Variants in FMNL2 observed in about 807,000 individuals in gnomAD.
The protein encoded by FMNL2 is formin-like protein 2.
FMNL2 carries 51 observed loss-of-function variants against 130.2 expected under a neutral mutation model. That is an observed-to-expected ratio of 0.39 (90% CI 0.31 to 0.49). The LOEUF (loss-of-function observed/expected upper bound fraction) is 0.49. FMNL2 is among the 20% of genes least tolerant of loss of function. The probability of loss-of-function intolerance (pLI) is 0.85; values close to 1 mark genes in which losing one functional copy is unlikely to be tolerated. For missense variants in FMNL2, 977 were observed against 1,316.2 expected, an observed-to-expected ratio of 0.74 and a Z score of 3.99; for synonymous variants, 465 against 467.1, an observed-to-expected ratio of 1.00 and a Z score of 0.06.
At chr2:152,627,758 T>C (rs1681895203) in intron 17 of FMNL2, among the ~76,000 whole-genome samples, 1 of 152,250 alleles carries the variant, frequency 6.6e-6, no homozygotes, top group South Asian at 2.1e-4. Context: ...AAGGAATGTA[T>C]GCACTTAACC....
Position 152,647,966 on chromosome 2 carries a change from T to TCGTACCAC in FMNL2, c.*61_*62insCGTACCAC. The TCGTACCAC allele has an allele frequency of 7.5e-7, 1 of 1,335,050 alleles. No individual in the cohort carries two copies. Among genetic ancestry groups the TCGTACCAC allele is most frequent in the South Asian group, 1.3e-5 (1 of 74,970 alleles). The allele number at this position is 1,335,050 out of a possible 1,614,324, so 82.7% of individuals were successfully genotyped here. On this transcript the variant is annotated 3_prime_UTR_variant, in exon 26 of 26. Transcript: ENST00000288670. ...TGAATGAAACTGCCCACATGAACTT[T>TCGTACCAC]ATGTGCTACGATTTAACTGCAGCCT...
chr2:152,617,326 G>A (rs1699009021), intron 13 of FMNL2, 134 bp downstream of exon 13: 2 of 778,126 alleles, frequency 2.6e-6, no homozygotes, highest in Admixed American at 2.8e-5. Context: ...ACCTTTGAGA[G>A]GTGATGCTCA....
At chr2:152,536,192 C>G (rs1693986255) in intron 2 of FMNL2, among the ~76,000 whole-genome samples, 1 of 152,216 alleles carries the variant, frequency 6.6e-6, no homozygotes, top group Non-Finnish European at 1.5e-5. Context: ...TTGGCCTCTT[C>G]CGTGTTGGAT....
chr2:152,622,659 C>CA (rs1167532899), intron 15 of FMNL2: 1 of 453,502 alleles, frequency 2.2e-6, no homozygotes, highest in East Asian at 7.0e-5. Flanking sequence ...TGATCCATTG[C>CA]ATTTTGACTT....
At position 152,616,327 on chromosome 2, in the gene FMNL2, G is replaced by GTTT. The variant is rs36107333; in HGVS notation, c.1213-746_1213-744dup. Among the ~76,000 whole-genome samples the GTTT allele has an allele frequency of 7.7e-3, 842 of 109,978 alleles. 15 individuals carry two copies. The highest frequency in any genetic ancestry group is 9.3e-3 in the Non-Finnish European group (529 of 56,726). 72.1% of individuals were successfully genotyped at this position (109,978 alleles called of 152,430 possible). On this transcript the variant is annotated intron_variant, in intron 12 of 25. Coordinates refer to ENST00000288670, the MANE Select transcript of FMNL2 (RefSeq NM_052905.4). Reference sequence around the variant, plus strand: ...TTTATTATTATTATTATTTTTGTGGGTTTTTTTTTTTTTTTTTTTTGGAGA... The same window carrying GTTT: ...TTTATTATTATTATTATTTTTGTGGGTTTTTTTTTTTTTTTTTTTTTTTGGAGA...
chr2:152,554,958 A>G (rs956012392), intron 4 of FMNL2, among the ~76,000 whole-genome samples: 1 of 152,228 alleles, frequency 6.6e-6, no homozygotes, highest in Non-Finnish European at 1.5e-5. Flanking sequence ...ACTGAAAATG[A>G]AAAAGATGTG....
At chr2:152,588,335 C>G (rs1265408276) in intron 9 of FMNL2, among the ~76,000 whole-genome samples, 2 of 152,206 alleles carry the variant, frequency 1.3e-5, no homozygotes, top group Admixed American at 1.3e-4. Context: ...GACACATTGC[C>G]TTTTCTCTCT....
At chr2:152,462,344 G>A (rs938560354) in intron 1 of FMNL2, among the ~76,000 whole-genome samples, 19 of 152,124 alleles carry the variant, frequency 1.2e-4, no homozygotes, top group Admixed American at 3.9e-4. Context: ...AAGACATTAG[G>A]AGAATAGCTT....
rs547870539 is a variant in FMNL2, at chr2:152,527,758, T to C, written c.201+5732T>C. ...CACTTCTTTGATCTATGGGAATCCC[T>C]TGGTGCTGGTTCTTGTGTCCTTTTC... On this transcript the variant is annotated intron_variant, in intron 2 of 25. Coordinates refer to ENST00000288670, the MANE Select transcript of FMNL2 (RefSeq NM_052905.4). Among the ~76,000 whole-genome samples, 15 of 152,288 alleles carry C rather than the reference T, an allele frequency of 9.8e-5. No homozygotes were observed. The East Asian group carries it at 2.9e-3, about 30-fold the overall frequency.
chr2:152,557,511 A>G (rs576191626), intron 4 of FMNL2, among the ~76,000 whole-genome samples: 49 of 152,314 alleles, frequency 3.2e-4, no homozygotes, highest in African/African-American at 1.2e-3. Flanking sequence ...CTGGGTTTGC[A>G]TCATGGAGAT....
chr2:152,398,120 A>G (rs1685499252), intron 1 of FMNL2, among the ~76,000 whole-genome samples: 1 of 152,112 alleles, frequency 6.6e-6, no homozygotes, highest in Admixed American at 6.6e-5. Flanking sequence ...GTGAGACTCC[A>G]TCTCGAAAAA....
At chr2:152,537,917 T>G (rs573142117) in intron 2 of FMNL2, among the ~76,000 whole-genome samples, 2 of 152,218 alleles carry the variant, frequency 1.3e-5, no homozygotes, top group Non-Finnish European at 2.9e-5. Context: ...CAGTATATGA[T>G]TTCAGGTAAG....
At chr2:152,349,804 G>C (rs1362098104) in intron 1 of FMNL2, among the ~76,000 whole-genome samples, 1 of 152,206 alleles carries the variant, frequency 6.6e-6, no homozygotes. Context: ...TGAGATTCTA[G>C]CTCAGTCCCA....
intron 1 of FMNL2, among the ~76,000 whole-genome samples, chr2:152,457,715 A>G (rs575221506): frequency 1.3e-5 from 2 of 152,246 alleles, no homozygotes; most frequent in African/African-American, 4.8e-5. Context: ...TTATCATTTT[A>G]TAGTTCTGGC....
intron 1 of FMNL2, among the ~76,000 whole-genome samples, chr2:152,364,171 G>T (rs13429157): frequency 0.018 from 2,658 of 149,896 alleles, 83 homozygotes; most frequent in African/African-American, 0.061. Flanking sequence ...GTTAAGAATT[G>T]AGTGTCTTGG....
Position 152,549,692 on chromosome 2 carries a change from A to T in FMNL2, c.359+595A>T, listed in dbSNP as rs116727388. 8.0e-3 allele frequency among the ~76,000 whole-genome samples: 1,219 copies of T among 152,326 alleles called. 12 individuals carry two copies. Among genetic ancestry groups the T allele is most frequent in the Middle Eastern group, 0.017 (5 of 294 alleles). On this transcript the variant is annotated intron_variant, in intron 4 of 25. Coordinates refer to ENST00000288670, the MANE Select transcript of FMNL2 (RefSeq NM_052905.4). ...TTCTGAGTTTCTTTCAGACAATGAC[A>T]TGGTGCTTTGCCTCAGGCAAGAACA...
At chr2:152,478,144 C>T (rs1690258733) in intron 1 of FMNL2, among the ~76,000 whole-genome samples, 1 of 151,060 alleles carries the variant, frequency 6.6e-6, no homozygotes, top group South Asian at 2.1e-4. Flanking sequence ...TCCCTGGGGC[C>T]TCCAGGGGAC....
intron 1 of FMNL2, among the ~76,000 whole-genome samples, chr2:152,375,873 C>CTATATATATATATA (rs1235599536): frequency 7.9e-5 from 9 of 113,814 alleles, no homozygotes; most frequent in Non-Finnish European, 1.2e-4. Context: ...CTCTCTCTCT[C>CTATATATATATATA]TCTCTATATA....
intron 1 of FMNL2, among the ~76,000 whole-genome samples, chr2:152,339,299 G>T (rs192093634): frequency 1.8e-4 from 27 of 152,168 alleles, no homozygotes; most frequent in South Asian, 4.2e-4. Context: ...CAAAAGATTG[G>T]ACATCCTGGG....
Sources: allele counts gnomAD v4.1 joint callset (sites outside exome capture counted in the v4.1 genomes callset), GRCh38; gene constraint gnomAD v4.1.1; transcripts MANE v1.5; gene names NCBI Gene and HGNC (gene_info 2026-07-23, HGNC 2026-07-21).